RPS6KC1: variants seen among roughly 807,000 people sequenced by gnomAD.
RPS6KC1 encodes ribosomal protein S6 kinase C1.
RPS6KC1 carries 54 observed loss-of-function variants against 103.8 expected under a neutral mutation model. That is an observed-to-expected ratio of 0.52 (90% CI 0.42 to 0.65). The LOEUF (loss-of-function observed/expected upper bound fraction) is 0.65. Ranked by LOEUF, RPS6KC1 falls within the 30% of genes least tolerant of loss-of-function variation. The pLI is 0.00. For missense variants in RPS6KC1, 1,151 were observed against 1,253.8 expected, an observed-to-expected ratio of 0.92 and a Z score of 1.24; for synonymous variants, 439 against 438.7, an observed-to-expected ratio of 1.00 and a Z score of -0.01.
chr1:213,847,373 A>G, the RPS6KC1 span, among the ~76,000 whole-genome samples: 2 of 152,202 alleles, frequency 1.3e-5, no homozygotes, highest in Non-Finnish European at 2.9e-5. Context: ...GATCTGTACC[A>G]TGAATACCAC....
chr1:213,145,988 T>C lies in RPS6KC1; in HGVS notation c.835+16099T>C, dbSNP rs964695376. ...TTCTGTTTTTTTTTTTTTTTTTTTT[T>C]TTTTTTGGTATATGTTAATCATCCC... On this transcript the variant is annotated intron_variant, in intron 6 of 14. Coordinates refer to ENST00000366960, the MANE Select transcript of RPS6KC1 (RefSeq NM_012424.6). Among the ~76,000 whole-genome samples, 14 of 146,184 alleles carry C rather than the reference T, an allele frequency of 9.6e-5. No individual in the cohort carries two copies. In the East Asian group the frequency reaches 2.7e-3, roughly 29 times the overall value.
the RPS6KC1 span, among the ~76,000 whole-genome samples, chr1:213,602,120 C>CTCTCTCTCTCTCTCTCTT: frequency 1.4e-3 from 7 of 5,156 alleles, no homozygotes; most frequent in African/African-American, 4.7e-3. Flanking sequence ...TTCTTTCTTT[C>CTCTCTCTCTCTCTCTCTT]TCTTTCTTTC....
At chr1:213,655,689 AG>A in the RPS6KC1 span, among the ~76,000 whole-genome samples, 1 of 152,232 alleles carries the variant, frequency 6.6e-6, no homozygotes, top group East Asian at 1.9e-4. Flanking sequence ...TTTCTGGTGG[AG>A]AACCCTCACT....
the RPS6KC1 span, among the ~76,000 whole-genome samples, chr1:213,736,684 T>C: frequency 6.6e-6 from 1 of 152,150 alleles, no homozygotes; most frequent in African/African-American, 2.4e-5. Flanking sequence ...ATTCCAACCT[T>C]ACTGGGATTC....
Position 213,241,123 on chromosome 1 carries a change from C to T in RPS6KC1, c.1647C>T (p.Ser549=). 1 of 1,613,784 alleles carries T rather than the reference C, an allele frequency of 6.2e-7. No individual in the cohort carries two copies. Among genetic ancestry groups the T allele is most frequent in the African/African-American group, 1.3e-5 (1 of 75,042 alleles). The change falls in exon 11 of 15, where the codon AGC becomes AGT. Residue 549 remains serine, a synonymous_variant. Transcript: ENST00000366960. ...GTGTTGATACAAAAGCTATTAAAAG[C>T]TTCCCAGCACACCTTGCTGCTGACA... ...GNGVDTKAIK[S]FPAHLAADSD...
the RPS6KC1 span, among the ~76,000 whole-genome samples, chr1:213,686,485 G>T: frequency 6.6e-6 from 1 of 152,040 alleles, no homozygotes; most frequent in Non-Finnish European, 1.5e-5. Flanking sequence ...TCTGTGTAGA[G>T]AATCAGGAGA....
chr1:213,198,880 A>G (rs752137888), intron 8 of RPS6KC1, among the ~76,000 whole-genome samples: 10 of 152,188 alleles, frequency 6.6e-5, no homozygotes, highest in Non-Finnish European at 1.3e-4. Context: ...AAATTTACCC[A>G]AATAAAATTA....
chr1:213,692,192 C>T, the RPS6KC1 span, among the ~76,000 whole-genome samples: 1 of 152,044 alleles, frequency 6.6e-6, no homozygotes, highest in Admixed American at 6.5e-5. Flanking sequence ...CACTTGAGGC[C>T]AAGAGTTCGA....
the RPS6KC1 span, among the ~76,000 whole-genome samples, chr1:213,548,381 G>A: frequency 1.4e-4 from 21 of 152,224 alleles, no homozygotes; most frequent in African/African-American, 3.9e-4. Flanking sequence ...AAGAAAAGCA[G>A]GCTGGGAGTG....
chr1:213,299,897 C>T, the RPS6KC1 span, among the ~76,000 whole-genome samples: 3 of 152,136 alleles, frequency 2.0e-5, no homozygotes, highest in African/African-American at 2.4e-5. Context: ...CTCCGCCTCC[C>T]GTGTTCACAC....
At chr1:213,065,456 CT>C (rs1471292768) in intron 1 of RPS6KC1, among the ~76,000 whole-genome samples, 1 of 152,158 alleles carries the variant, frequency 6.6e-6, no homozygotes, top group Non-Finnish European at 1.5e-5. Flanking sequence ...GATTGATACT[CT>C]TATTTTTCAT....
chr1:213,185,113 G>T (rs926829030), intron 8 of RPS6KC1, among the ~76,000 whole-genome samples: 2 of 152,088 alleles, frequency 1.3e-5, no homozygotes, highest in Non-Finnish European at 2.9e-5. Flanking sequence ...ATTGCAATCT[G>T]TCTTTTCTTT....
At chr1:213,734,762 T>C in the RPS6KC1 span, among the ~76,000 whole-genome samples, 1 of 152,246 alleles carries the variant, frequency 6.6e-6, no homozygotes, top group Admixed American at 6.5e-5. Flanking sequence ...TAGTTTTCAA[T>C]GTAAATAATT....
At chr1:213,553,318 A>T in the RPS6KC1 span, among the ~76,000 whole-genome samples, 1 of 152,234 alleles carries the variant, frequency 6.6e-6, no homozygotes, top group East Asian at 1.9e-4. Flanking sequence ...AGCTCCATCT[A>T]TGTTGCTGCG....
intron 3 of RPS6KC1, among the ~76,000 whole-genome samples, chr1:213,092,717 A>G (rs962626274): frequency 6.6e-6 from 1 of 152,098 alleles, no homozygotes; most frequent in African/African-American, 2.4e-5. Context: ...AATATCCAAG[A>G]TATGTTTTTA....
At chr1:213,327,172 G>A in the RPS6KC1 span, among the ~76,000 whole-genome samples, 1 of 151,530 alleles carries the variant, frequency 6.6e-6, no homozygotes, top group Non-Finnish European at 1.5e-5. Context: ...CAGTGCGGGG[G>A]TGTGAGCCCT....
chr1:213,518,746 AAACCTTGCCCAGCTG>A, the RPS6KC1 span, among the ~76,000 whole-genome samples: 1 of 152,178 alleles, frequency 6.6e-6, no homozygotes, highest in African/African-American at 2.4e-5. Context: ...AGCATATGAA[AAACCTTGCCCAGCTG>A]AACCTTTCAA....
chr1:213,178,351 G>A (rs1049350132), intron 8 of RPS6KC1, among the ~76,000 whole-genome samples: 1 of 151,736 alleles, frequency 6.6e-6, no homozygotes, highest in Non-Finnish European at 1.5e-5. Flanking sequence ...ACCAGCCTGG[G>A]CAACATGGTG....
rs1021063825 is a variant in RPS6KC1, at chr1:213,258,558, A to C, written c.2912-3000A>C. ...TACAGTGCCTAATTTGTGCTGCTTC[A>C]TGTGTGTTGGTTGAATGAATATGAT... is the stretch of plus-strand genomic sequence containing the variant. On this transcript the variant is annotated intron_variant, in intron 12 of 14. Transcript: ENST00000366960. Among the ~76,000 whole-genome samples the C allele has an allele frequency of 1.4e-4, 22 of 152,172 alleles. 1 individual carries two copies. The highest frequency in any genetic ancestry group is 1.4e-3 in the Admixed American group (22 of 15,274).
Sources: gnomAD v4.1 joint callset for allele counts (sites outside exome capture counted in the v4.1 genomes callset) on GRCh38, gnomAD v4.1.1 for gene constraint, MANE v1.5 for transcripts, NCBI Gene and HGNC (gene_info 2026-07-23, HGNC 2026-07-21) for gene names.